XPO7: variants seen among roughly 807,000 people sequenced by gnomAD.
The protein encoded by XPO7 is exportin 7.
In XPO7, 21 loss-of-function variants were observed where a neutral mutation model predicts 144.3. That is an observed-to-expected ratio of 0.15 (90% CI 0.10 to 0.21). The LOEUF is 0.21. Ranked by LOEUF, XPO7 falls within the 10% of genes least tolerant of loss-of-function variation. The pLI is 1.00. For synonymous variants in XPO7, 580 were observed against 499.6 expected (o/e 1.16, Z -2.15); for missense variants, 808 against 1,325.8 (o/e 0.61, Z 6.06).
chr8:21,966,819 A>C, intron 1 of XPO7, 38 bp from the exon 2 acceptor site: 1 of 1,594,974 alleles, frequency 6.3e-7, no homozygotes, highest in South Asian at 1.1e-5. Flanking sequence ...CATTTGTAGT[A>C]GGCTGAACTG....
intron 1 of XPO7, among the ~76,000 whole-genome samples, chr8:21,920,254 T>C (rs1375543593): frequency 6.6e-6 from 1 of 151,954 alleles, no homozygotes; most frequent in East Asian, 1.9e-4. Context: ...CTCCGGAGTC[T>C]TTCCCGCCGC....
chr8:21,956,493 A>G (rs11135764), intron 1 of XPO7, among the ~76,000 whole-genome samples: 87,889 of 151,976 alleles, frequency 0.58, 26,219 homozygotes, highest in African/African-American at 0.74. Context: ...AAATTATTTT[A>G]TTGATAACTT....
intron 22 of XPO7, 95 bp from the exon 23 acceptor site, chr8:21,998,996 G>A (rs989387252): frequency 5.3e-6 from 8 of 1,501,480 alleles, no homozygotes; most frequent in African/African-American, 1.4e-5. Context: ...GTCACCAGGG[G>A]CCTACTGGAA....
Position 22,006,205 on chromosome 8 carries a change from A to C in XPO7, c.*1117A>C, listed in dbSNP as rs1474198143. On this transcript the variant is annotated 3_prime_UTR_variant, in exon 28 of 28. Transcript: ENST00000252512. ...GTCTACCTAGCATGAAGTATTTAAC[A>C]TTCTCCCATCCCTTAAAAAATATAC... is the stretch of plus-strand genomic sequence containing the variant. The C allele has an allele frequency of 6.6e-6, 1 of 152,226 alleles. No individual in the cohort carries two copies. The highest frequency in any genetic ancestry group is 1.5e-5 in the Non-Finnish European group (1 of 68,044). 9.4% of individuals were successfully genotyped at this position (152,226 alleles called of 1,614,324 possible).
intron 9 of XPO7, among the ~76,000 whole-genome samples, chr8:21,981,098 C>T (rs1048796048): frequency 6.6e-6 from 1 of 152,060 alleles, no homozygotes; most frequent in East Asian, 1.9e-4. Context: ...CAGGGATACA[C>T]GGGTGAACAA....
intron 15 of XPO7, 30 bp from the exon 16 acceptor site, chr8:21,988,973 C>T: frequency 6.2e-7 from 1 of 1,604,380 alleles, no homozygotes; most frequent in Non-Finnish European, 8.5e-7. Flanking sequence ...AAAAGGGTCT[C>T]CTGCTTTTTT....
At chr8:21,921,969 G>C (rs150659728) in intron 1 of XPO7, among the ~76,000 whole-genome samples, 2 of 152,106 alleles carry the variant, frequency 1.3e-5, no homozygotes, top group Non-Finnish European at 2.9e-5. Flanking sequence ...AAAGATACAC[G>C]CTTCCCTAGG....
At chr8:21,983,975 A>G (rs147007536) in intron 11 of XPO7, among the ~76,000 whole-genome samples, 24 of 152,322 alleles carry the variant, frequency 1.6e-4, no homozygotes, top group African/African-American at 5.8e-4. Flanking sequence ...CAGGGCCACA[A>G]TGCCTTGTCT....
intron 1 of XPO7, among the ~76,000 whole-genome samples, chr8:21,942,981 A>G (rs1811044501): frequency 2.0e-5 from 3 of 152,242 alleles, no homozygotes; most frequent in South Asian, 2.1e-4. Flanking sequence ...AGTTTGTGCT[A>G]AAGTACCAGC....
At chr8:21,979,321 G>A (rs975169926) in intron 8 of XPO7, among the ~76,000 whole-genome samples, 21 of 150,946 alleles carry the variant, frequency 1.4e-4, no homozygotes, top group Non-Finnish European at 2.4e-4. Flanking sequence ...CTGGGATTAC[G>A]GGCGTGAGCC....
intron 1 of XPO7, among the ~76,000 whole-genome samples, chr8:21,936,734 C>T (rs566794517): frequency 6.6e-6 from 1 of 152,300 alleles, no homozygotes; most frequent in African/African-American, 2.4e-5. Context: ...GTTAACTGGG[C>T]AGTTCCCAAA....
intron 1 of XPO7, among the ~76,000 whole-genome samples, chr8:21,951,778 C>G (rs1399738470): frequency 1.3e-5 from 2 of 152,120 alleles, no homozygotes; most frequent in African/African-American, 4.8e-5. Flanking sequence ...GTTCTCAGCC[C>G]AGTATTTTGG....
chr8:21,922,281 T>C (rs1340314978), intron 1 of XPO7, among the ~76,000 whole-genome samples: 2 of 152,046 alleles, frequency 1.3e-5, no homozygotes, highest in African/African-American at 4.8e-5. Flanking sequence ...GGATATGTAT[T>C]TTATGGACGA....
chr8:21,932,186 T>C (rs535733460), intron 1 of XPO7, among the ~76,000 whole-genome samples: 1 of 152,334 alleles, frequency 6.6e-6, no homozygotes, highest in East Asian at 1.9e-4. Context: ...CTTTTAAATA[T>C]GCTGTTTGCC....
In XPO7 at chr8:22,004,982, A is replaced by G. The variant is rs768491704; in HGVS notation, c.3171-13A>G. The G allele has an allele frequency of 2.0e-6, 3 of 1,516,088 alleles. No individual in the cohort carries two copies. The highest frequency in any genetic ancestry group is 1.4e-5 in the African/African-American group (1 of 70,076). The allele number at this position is 1,516,088 out of a possible 1,614,324, so 93.9% of individuals were successfully genotyped here. ...CACTCTCCTCCCCCAACCCACATGCATCCTCTCTGCAGGTTCACCCAGAAC... is the reference window on the plus strand; with the variant it reads ...CACTCTCCTCCCCCAACCCACATGCGTCCTCTCTGCAGGTTCACCCAGAAC... On this transcript the variant is annotated splice_polypyrimidine_tract_variant and intron_variant, in intron 27 of 27. Transcript: ENST00000252512.
At chr8:21,950,490 T>G (rs776528063) in intron 1 of XPO7, among the ~76,000 whole-genome samples, 7 of 152,220 alleles carry the variant, frequency 4.6e-5, no homozygotes, top group Non-Finnish European at 8.8e-5. Flanking sequence ...TTGACATGTT[T>G]AGGTTGCATC....
chr8:21,943,970 C>T lies in XPO7; in HGVS notation c.19-22887C>T, dbSNP rs555199470. Among the ~76,000 whole-genome samples the T allele has an allele frequency of 4.6e-5, 7 of 152,204 alleles. No individual in the cohort carries two copies. In the South Asian group the frequency reaches 1.5e-3, roughly 32 times the overall value. On this transcript the variant is annotated intron_variant, in intron 1 of 27. Coordinates refer to ENST00000252512, the MANE Select transcript of XPO7 (RefSeq NM_015024.5). Reference sequence around the variant, plus strand: ...TTGGAGAAAAGGGAAATGTTATAGACAAAAATGTATCTGGAGTTCAACAAA... The same window carrying T: ...TTGGAGAAAAGGGAAATGTTATAGATAAAAATGTATCTGGAGTTCAACAAA...
At chr8:21,944,490 C>T (rs568865415) in intron 1 of XPO7, among the ~76,000 whole-genome samples, 2 of 152,166 alleles carry the variant, frequency 1.3e-5, no homozygotes, top group African/African-American at 4.8e-5. Flanking sequence ...TCACTTGAAC[C>T]CAGGAGGCGG....
intron 11 of XPO7, among the ~76,000 whole-genome samples, chr8:21,983,081 T>C (rs1317768499): frequency 1.3e-5 from 2 of 152,260 alleles, no homozygotes; most frequent in African/African-American, 4.8e-5. Flanking sequence ...CATATAATGT[T>C]TGTCCTTGCC....
Sources: gnomAD v4.1 joint callset for allele counts (sites outside exome capture counted in the v4.1 genomes callset) on GRCh38, gnomAD v4.1.1 for gene constraint, MANE v1.5 for transcripts, NCBI Gene and HGNC (gene_info 2026-07-23, HGNC 2026-07-21) for gene names.